FBXW10B: variants seen among roughly 807,000 people sequenced by gnomAD.
The protein encoded by FBXW10B is F-box and WD repeat domain containing 10B, also known as F-box and WD repeat domain containing protein 10B.
chr17:15,602,051 G>A, the FBXW10B span, among the ~76,000 whole-genome samples: 1 of 151,672 alleles, frequency 6.6e-6, no homozygotes, highest in Non-Finnish European at 1.5e-5. Context: ...GGCGGAGCTG[G>A]CAGTGAGCTG....
chr17:15,588,768 T>C, the FBXW10B span: 20 of 744,618 alleles, frequency 2.7e-5, no homozygotes, highest in Non-Finnish European at 4.6e-5. Context: ...AGGTGGATTA[T>C]TTGTACTTTG....
chr17:15,614,044 G>A, the FBXW10B span: 9 of 1,610,100 alleles, frequency 5.6e-6, no homozygotes, highest in Non-Finnish European at 7.6e-6. Flanking sequence ...CTAGAGTGAA[G>A]CCGGAGAAAG....
chr17:15,608,381 C>T, the FBXW10B span, among the ~76,000 whole-genome samples: 1 of 151,296 alleles, frequency 6.6e-6, no homozygotes, highest in Non-Finnish European at 1.5e-5. Context: ...AGGATGGTCT[C>T]GATCTCTTGA....
chr17:15,610,334 T>A, the FBXW10B span, among the ~76,000 whole-genome samples: 1 of 151,654 alleles, frequency 6.6e-6, no homozygotes. Context: ...TGGGAGAGTT[T>A]ATCAGATGCT....
chr17:15,597,879 C>A, the FBXW10B span, among the ~76,000 whole-genome samples: 7 of 152,208 alleles, frequency 4.6e-5, no homozygotes, highest in African/African-American at 1.7e-4. Context: ...TTATTCCCCA[C>A]TACACAGATG....
At chr17:15,593,803 G>C in the FBXW10B span, among the ~76,000 whole-genome samples, 1 of 151,926 alleles carries the variant, frequency 6.6e-6, no homozygotes, top group African/African-American at 2.4e-5. Context: ...TAATTTTTTT[G>C]TATTTAGTAG....
At chr17:15,589,412 G>A in the FBXW10B span, 8 of 274,896 alleles carry the variant, frequency 2.9e-5, no homozygotes, top group Middle Eastern at 1.8e-3. Context: ...TAGGACTAAC[G>A]AATTCATGGG....
chr17:15,612,382 C>T, the FBXW10B span, among the ~76,000 whole-genome samples: 7 of 151,922 alleles, frequency 4.6e-5, no homozygotes, highest in South Asian at 4.1e-4. Context: ...GGCTTGGTGG[C>T]GGGCTCCTGT....
At chr17:15,603,208 A>G in the FBXW10B span, among the ~76,000 whole-genome samples, 7 of 151,666 alleles carry the variant, frequency 4.6e-5, no homozygotes, top group African/African-American at 1.7e-4. Context: ...TTGTTCAACA[A>G]AATTCATGTA....
At chr17:15,616,545 C>T in the FBXW10B span, among the ~76,000 whole-genome samples, 1 of 151,958 alleles carries the variant, frequency 6.6e-6, no homozygotes, top group African/African-American at 2.4e-5. Context: ...TGGCTCATGC[C>T]TGTAATCCCA....
the FBXW10B span, among the ~76,000 whole-genome samples, chr17:15,607,852 G>A: frequency 7.0e-6 from 1 of 143,320 alleles, no homozygotes; most frequent in Non-Finnish European, 1.5e-5. Context: ...AGCACCAAAG[G>A]AAACCATGAG....
chr17:15,598,728 A>G, the FBXW10B span: 1 of 1,580,040 alleles, frequency 6.3e-7, no homozygotes, highest in Admixed American at 1.8e-5. Context: ...ACCCATGTAG[A>G]TAATTAGTTA....
At chr17:15,612,120 A>G in the FBXW10B span, among the ~76,000 whole-genome samples, 1 of 152,168 alleles carries the variant, frequency 6.6e-6, no homozygotes, top group Non-Finnish European at 1.5e-5. Flanking sequence ...ATGGACACAA[A>G]ACACGGCCAG....
chr17:15,566,191 G>A, the FBXW10B span: 34 of 1,612,104 alleles, frequency 2.1e-5, no homozygotes, highest in Non-Finnish European at 2.6e-5. Context: ...GGGCCTACAG[G>A]GATAGGCAAA....
chr17:15,571,876 G>A, the FBXW10B span: 2 of 150,306 alleles, frequency 1.3e-5, no homozygotes, highest in East Asian at 2.0e-4. Flanking sequence ...AGAGACAAAA[G>A]ACAGCATGTC....
chr17:15,605,383 G>C, the FBXW10B span: 22 of 1,580,270 alleles, frequency 1.4e-5, no homozygotes, highest in Admixed American at 4.0e-4. Context: ...ACAGCTATCA[G>C]ATCTCCCCCG....
chr17:15,588,218 G>T, the FBXW10B span, among the ~76,000 whole-genome samples: 1 of 152,106 alleles, frequency 6.6e-6, no homozygotes, highest in Non-Finnish European at 1.5e-5. Context: ...ACTACACAAC[G>T]GCCACCTGGT....
the FBXW10B span, among the ~76,000 whole-genome samples, chr17:15,615,321 C>CTTTTTTTTT: frequency 9.4e-3 from 830 of 88,568 alleles, 55 homozygotes; most frequent in East Asian, 0.029. Context: ...TATTGGCTTT[C>CTTTTTTTTT]TTTTTTTTTT....
chr17:15,585,027 GCCACATTTTTCTC>G, the FBXW10B span, among the ~76,000 whole-genome samples: 2 of 131,006 alleles, frequency 1.5e-5, no homozygotes, highest in African/African-American at 5.8e-5. Flanking sequence ...ATGTTTATCA[GCCACATTTTTCTC>G]CCTCCCAAAA....
Sources: gnomAD v4.1 joint callset for allele counts (sites outside exome capture counted in the v4.1 genomes callset) on GRCh38, gnomAD v4.1.1 for gene constraint, MANE v1.5 for transcripts, NCBI Gene and HGNC (gene_info 2026-07-23, HGNC 2026-07-21) for gene names.